The following FKBP5 variants were observed in gnomAD, a reference collection of about 807,000 sequenced individuals.
FKBP5 encodes the protein peptidyl-prolyl cis-trans isomerase FKBP5.
In FKBP5, 23 loss-of-function variants were observed where a neutral mutation model predicts 50.5. The ratio of observed to expected loss-of-function variants is 0.46; its 90% CI spans 0.33 to 0.65. FKBP5 has a LOEUF of 0.65. Ranked by LOEUF, FKBP5 falls within the 30% of genes least tolerant of loss-of-function variation. FKBP5 has a pLI of 0.02. For synonymous variants in FKBP5, 176 were observed against 190.6 expected (o/e 0.92, Z 0.63); for missense variants, 411 against 553.1 (o/e 0.74, Z 2.58).
Position 35,595,934 on chromosome 6 carries a change from A to G in FKBP5, c.665+1314T>C, listed in dbSNP as rs569117697. ...GAAGTGGGGGCTATAGTTAGTGGAA[A>G]GAGGAACCAGGTAGAGAAAAAGAAG... On this transcript the variant is annotated intron_variant, in intron 6 of 10. Coordinates refer to ENST00000357266, the MANE Select transcript of FKBP5 (RefSeq NM_004117.4). Among the ~76,000 whole-genome samples the G allele has an allele frequency of 7.2e-5, 11 of 152,328 alleles. No homozygotes were observed. The South Asian group carries it at 1.7e-3, about 23-fold the overall frequency.
At chr6:35,726,536 CCACACACACACACACACACA>C (rs10599241) in intron 1 of FKBP5, among the ~76,000 whole-genome samples, 1,932 of 139,446 alleles carry the variant, frequency 0.014, 26 homozygotes, top group Non-Finnish European at 0.021. Flanking sequence ...TCCTCCTCCT[CCACACACACACACACACACA>C]CACACACACA....
At chr6:35,622,864 G>A (rs956817600) in intron 3 of FKBP5, among the ~76,000 whole-genome samples, 3 of 152,184 alleles carry the variant, frequency 2.0e-5, no homozygotes, top group African/African-American at 7.2e-5. Context: ...ACTTGTGCAA[G>A]TTATTTAATC....
At chr6:35,672,007 T>G (rs1765400788) in intron 1 of FKBP5, among the ~76,000 whole-genome samples, 1 of 152,152 alleles carries the variant, frequency 6.6e-6, no homozygotes, top group African/African-American at 2.4e-5. Flanking sequence ...CATCTGGGAC[T>G]ACAGGCTTCC....
chr6:35,620,049 C>T, intron 4 of FKBP5, 83 bp downstream of exon 4: 2 of 1,519,824 alleles, frequency 1.3e-6, no homozygotes, highest in South Asian at 1.2e-5. Context: ...GCAAGCTTAG[C>T]TCCTTTTCCC....
At chr6:35,584,070 G>GA in intron 8 of FKBP5, 1 of 985,400 alleles carries the variant, frequency 1.0e-6, no homozygotes, top group Non-Finnish European at 1.2e-6. Flanking sequence ...TCAGAAAAAA[G>GA]AAAAACACTG....
chr6:35,582,279 T>G, intron 8 of FKBP5: 6 of 985,356 alleles, frequency 6.1e-6, no homozygotes, highest in Non-Finnish European at 7.2e-6. Context: ...ATGCTGAAAT[T>G]CTTGAGGAAA....
At chr6:35,592,434 T>C (rs2150961320) in intron 6 of FKBP5, among the ~76,000 whole-genome samples, 1 of 152,294 alleles carries the variant, frequency 6.6e-6, no homozygotes, top group East Asian at 1.9e-4. Flanking sequence ...CTGGTAGGAA[T>C]GAGGAGCGGG....
At chr6:35,717,296 G>C (rs1221266554) in intron 2 of FKBP5, among the ~76,000 whole-genome samples, 2 of 152,258 alleles carry the variant, frequency 1.3e-5, no homozygotes, top group Non-Finnish European at 2.9e-5. Flanking sequence ...TGAGAGCTGA[G>C]GGTGGAGAGG....
At chr6:35,643,790 CTCT>C (rs965622849) in intron 1 of FKBP5, among the ~76,000 whole-genome samples, 1 of 152,162 alleles carries the variant, frequency 6.6e-6, no homozygotes, top group African/African-American at 2.4e-5. Context: ...ACTTCCTTAG[CTCT>C]TCTCTCGATT....
intron 2 of FKBP5, among the ~76,000 whole-genome samples, chr6:35,699,635 T>A (rs1766143696): frequency 6.6e-6 from 1 of 152,188 alleles, no homozygotes; most frequent in Non-Finnish European, 1.5e-5. Context: ...GAATGAGGCT[T>A]CAATTTCAAT....
At chr6:35,707,934 T>A (rs1400769476) in intron 2 of FKBP5, among the ~76,000 whole-genome samples, 1 of 152,222 alleles carries the variant, frequency 6.6e-6, no homozygotes, top group Non-Finnish European at 1.5e-5. Flanking sequence ...AAGACCATGT[T>A]ATACCTGTCA....
chr6:35,581,317 A>C, intron 8 of FKBP5: 1 of 419,448 alleles, frequency 2.4e-6, no homozygotes. Context: ...CATATGAGAA[A>C]CGCTGGGGGC....
chr6:35,655,267 T>C (rs1581856877), intron 1 of FKBP5, among the ~76,000 whole-genome samples: 1 of 152,218 alleles, frequency 6.6e-6, no homozygotes, highest in East Asian at 1.9e-4. Flanking sequence ...ACCTACTATG[T>C]GCCAGGCACT....
intron 8 of FKBP5, chr6:35,585,181 T>A: frequency 1.0e-6 from 1 of 978,244 alleles, no homozygotes; most frequent in Non-Finnish European, 1.2e-6. Flanking sequence ...TATTTGGAAG[T>A]ATTGAGGAAA....
At chr6:35,623,457 G>A (rs1244926320) in intron 3 of FKBP5, among the ~76,000 whole-genome samples, 1 of 152,104 alleles carries the variant, frequency 6.6e-6, no homozygotes, top group African/African-American at 2.4e-5. Flanking sequence ...GTCCATGTAT[G>A]TTTGCCTACT....
intron 6 of FKBP5, 66 bp downstream of exon 6, chr6:35,597,182 G>T: frequency 6.4e-7 from 1 of 1,558,522 alleles, no homozygotes; most frequent in South Asian, 1.2e-5. Flanking sequence ...AACACTGAAT[G>T]AAAAAGCAAG....
At chr6:35,581,155 T>C (rs1747367657) in intron 8 of FKBP5, 17 of 981,562 alleles carry the variant, frequency 1.7e-5, no homozygotes, top group Non-Finnish European at 1.8e-5. Context: ...CCCTGATCTA[T>C]AGGCAATGGG....
rs1762161367 is a variant in FKBP5 at position 35,574,698 on chromosome 6, C to G, written c.*1137G>C. Reference sequence around the variant, plus strand: ...AGAAGAGCAACTATTTATTTGTCAACCCTACAGATTTTGTTTTTAAAAATT... The same window carrying G: ...AGAAGAGCAACTATTTATTTGTCAAGCCTACAGATTTTGTTTTTAAAAATT... On this transcript the variant is annotated 3_prime_UTR_variant, in exon 11 of 11. Transcript: ENST00000357266. The G allele has an allele frequency of 6.6e-6, 1 of 152,580 alleles. No homozygotes were observed. The highest frequency in any genetic ancestry group is 2.4e-5 in the African/African-American group (1 of 41,434). The allele number at this position is 152,580 out of a possible 1,614,324, so 9.5% of individuals were successfully genotyped here.
At chr6:35,589,935 G>GC (rs1762761250) in intron 7 of FKBP5, among the ~76,000 whole-genome samples, 1 of 152,198 alleles carries the variant, frequency 6.6e-6, no homozygotes, top group African/African-American at 2.4e-5. Flanking sequence ...AAAGGTACAG[G>GC]CCCACAGGAC....
Sources: allele counts gnomAD v4.1 joint callset (sites outside exome capture counted in the v4.1 genomes callset), GRCh38; gene constraint gnomAD v4.1.1; transcripts MANE v1.5; gene names NCBI Gene and HGNC (gene_info 2026-07-23, HGNC 2026-07-21).